Variants in LRTM3 observed in about 807,000 individuals in gnomAD.
LRTM3 encodes the protein leucine rich repeat transmembrane protein 3, also known as leucine-rich repeat transmembrane protein 3.
the LRTM3 span, chr13:102,733,235 G>T: frequency 4.8e-5 from 75 of 1,551,324 alleles, no homozygotes; most frequent in Non-Finnish European, 6.4e-5. Flanking sequence ...ATTTTGGGGG[G>T]CATTCCAGTT....
At chr13:102,741,811 G>A in the LRTM3 span, 4 of 1,550,374 alleles carry the variant, frequency 2.6e-6, no homozygotes, top group Middle Eastern at 1.7e-4. Flanking sequence ...GTGCAATGAG[G>A]AATTCAAGTT....
the LRTM3 span, chr13:102,738,927 C>T: frequency 6.4e-7 from 1 of 1,550,644 alleles, no homozygotes; most frequent in South Asian, 1.2e-5. Context: ...AAAGCCTTTT[C>T]CACTCTGTCT....
At chr13:102,739,379 G>A in the LRTM3 span, 2 of 1,550,040 alleles carry the variant, frequency 1.3e-6, no homozygotes, top group Non-Finnish European at 1.7e-6. Flanking sequence ...TCTATTAATT[G>A]ACTCTGCAGA....
the LRTM3 span, chr13:102,758,873 T>C: frequency 6.7e-5 from 104 of 1,550,184 alleles, no homozygotes; most frequent in Middle Eastern, 3.3e-4. Context: ...ATGTCATGAA[T>C]GTATTATCTT....
chr13:102,750,067 T>C, the LRTM3 span: 1 of 1,550,500 alleles, frequency 6.4e-7, no homozygotes. Context: ...CAGAAGAAAA[T>C]CCTGAATTTT....
chr13:102,745,522 AG>A, the LRTM3 span: 1 of 1,551,040 alleles, frequency 6.4e-7, no homozygotes, highest in Non-Finnish European at 8.7e-7. Flanking sequence ...GACCAGCACC[AG>A]CCCTGATATT....
the LRTM3 span, chr13:102,738,704 CT>C: frequency 6.4e-7 from 1 of 1,550,622 alleles, no homozygotes; most frequent in Non-Finnish European, 8.7e-7. Context: ...AAAAGAGGAT[CT>C]CATTTTTATT....
the LRTM3 span, chr13:102,742,489 G>C: frequency 1.3e-6 from 2 of 1,549,952 alleles, no homozygotes; most frequent in Non-Finnish European, 8.7e-7. Context: ...ATTCTTTCTT[G>C]TTTTCAATTT....
chr13:102,735,463 A>G, the LRTM3 span: 1 of 1,551,342 alleles, frequency 6.4e-7, no homozygotes, highest in Non-Finnish European at 8.7e-7. Context: ...ATGGTGGAGT[A>G]AGTAAAGAAG....
the LRTM3 span, chr13:102,740,109 C>T: frequency 2.6e-6 from 4 of 1,548,436 alleles, no homozygotes; most frequent in Non-Finnish European, 3.5e-6. Flanking sequence ...TCTTTTTGTA[C>T]CTTTTCATTT....
the LRTM3 span, chr13:102,734,009 T>C: frequency 1.3e-6 from 2 of 1,551,386 alleles, no homozygotes; most frequent in Non-Finnish European, 1.7e-6. Context: ...TGAATCCAGA[T>C]AAAGAGGAGG....
chr13:102,752,863 A>T, the LRTM3 span, among the ~76,000 whole-genome samples: 1 of 152,210 alleles, frequency 6.6e-6, no homozygotes, highest in African/African-American at 2.4e-5. Flanking sequence ...AGATGATTAA[A>T]TTAACTGATG....
At chr13:102,733,463 A>C in the LRTM3 span, 1 of 1,551,378 alleles carries the variant, frequency 6.4e-7, no homozygotes, top group Admixed American at 2.0e-5. Flanking sequence ...AGGGGTGCCA[A>C]GTGTGACATA....
chr13:102,742,202 A>G, the LRTM3 span: 1 of 1,550,540 alleles, frequency 6.4e-7, no homozygotes, highest in Non-Finnish European at 8.7e-7. Flanking sequence ...CTGCTGCTGG[A>G]TGTTACCTCT....
At chr13:102,749,314 T>C in the LRTM3 span, 2 of 1,551,290 alleles carry the variant, frequency 1.3e-6, no homozygotes, top group African/African-American at 1.4e-5. Context: ...CTGAGCTATA[T>C]ACAGAATCCT....
chr13:102,758,610 A>G, the LRTM3 span: 1 of 1,528,164 alleles, frequency 6.5e-7, no homozygotes, highest in Non-Finnish European at 8.8e-7. Context: ...TTAGAGGAGT[A>G]ATCGGAGTAT....
the LRTM3 span, chr13:102,743,349 C>A: frequency 4.5e-6 from 7 of 1,550,476 alleles, no homozygotes; most frequent in Admixed American, 2.0e-5. Context: ...TCAGAGGAAT[C>A]TGGAGTGAAG....
chr13:102,745,384 C>T, the LRTM3 span: 2 of 1,550,548 alleles, frequency 1.3e-6, no homozygotes, highest in Non-Finnish European at 1.7e-6. Context: ...CTGTTTCTAC[C>T]TTGCTATACT....
At chr13:102,748,440 T>C in the LRTM3 span, 30 of 1,551,160 alleles carry the variant, frequency 1.9e-5, no homozygotes, top group African/African-American at 3.7e-4. Flanking sequence ...TCTTTTTGTT[T>C]CTGTGTATTT....
Sources: allele counts gnomAD v4.1 joint callset (sites outside exome capture counted in the v4.1 genomes callset), GRCh38; gene constraint gnomAD v4.1.1; transcripts MANE v1.5; gene names NCBI Gene and HGNC (gene_info 2026-07-23, HGNC 2026-07-21).